Variants in ASAP1 observed in about 807,000 individuals in gnomAD.
ASAP1 encodes the protein arf-GAP with SH3 domain, ANK repeat and PH domain-containing protein 1.
In ASAP1, 43 loss-of-function variants were observed where a neutral mutation model predicts 145.2. That is an observed-to-expected ratio of 0.30 (90% CI 0.23 to 0.38). The LOEUF is 0.38. Among genes scored for constraint, ASAP1 ranks in the 10% least tolerant of loss-of-function variants. The pLI is 1.00. For missense variants in ASAP1, 1,018 were observed against 1,355.3 expected, an observed-to-expected ratio of 0.75 and a Z score of 3.91; for synonymous variants, 546 against 515.5, an observed-to-expected ratio of 1.06 and a Z score of -0.80.
In ASAP1 at chr8:130,431,598, GTCT is replaced by G. The variant is rs564209900; in HGVS notation, c.-28+11859_-28+11861del. The stretch of plus-strand genomic sequence containing the variant: ...GCTCAAGGATTACACCTTGTAACAA[GTCT>G]TCTCTGACCCTCCCTGCAAGGTGGA... On this transcript the variant is annotated intron_variant, in intron 1 of 29. Transcript: ENST00000518721. 3.9e-5 allele frequency among the ~76,000 whole-genome samples: 6 copies of G among 152,184 alleles called. 1 individual carries two copies. The South Asian group carries it at 1.2e-3, about 32-fold the overall frequency.
At position 130,310,685 on chromosome 8, in the gene ASAP1, TAA is replaced by T. The variant is rs879381179; in HGVS notation, c.186+47330_186+47331del. Among the ~76,000 whole-genome samples the T allele has an allele frequency of 5.9e-3, 832 of 142,066 alleles. 12 individuals carry two copies. Among genetic ancestry groups the T allele is most frequent in the African/African-American group, 0.021 (803 of 38,768 alleles). The allele number at this position is 142,066 out of a possible 152,430, so 93.2% of individuals were successfully genotyped here. Reference sequence around the variant, plus strand: ...ATCACCAAATCACATATTCTCTAGTTAAAAAAAAAAAAAGTCTGAAAACTTTA... The same window carrying T: ...ATCACCAAATCACATATTCTCTAGTTAAAAAAAAAAAGTCTGAAAACTTTA... On this transcript the variant is annotated intron_variant, in intron 3 of 29. Coordinates refer to ENST00000518721, the MANE Select transcript of ASAP1 (RefSeq NM_018482.4).
intron 26 of ASAP1, among the ~76,000 whole-genome samples, chr8:130,077,855 G>A (rs1592749128): frequency 6.6e-6 from 1 of 152,226 alleles, no homozygotes. Context: ...CTGAGATAAA[G>A]CCACCACTAA....
intron 3 of ASAP1, among the ~76,000 whole-genome samples, chr8:130,326,013 T>A (rs1028221652): frequency 6.6e-6 from 1 of 152,182 alleles, no homozygotes; most frequent in African/African-American, 2.4e-5. Flanking sequence ...TGGAGAAAAT[T>A]TAAGTAAACT....
At chr8:130,364,211 T>G (rs1826846031) in intron 2 of ASAP1, among the ~76,000 whole-genome samples, 1 of 152,180 alleles carries the variant, frequency 6.6e-6, no homozygotes, top group African/African-American at 2.4e-5. Flanking sequence ...GTTCCTCTGA[T>G]GGAAGTAGGA....
chr8:130,396,805 G>C (rs1272124628), intron 2 of ASAP1, among the ~76,000 whole-genome samples: 3 of 152,168 alleles, frequency 2.0e-5, no homozygotes, highest in East Asian at 3.9e-4. Context: ...CAGGGCGTCT[G>C]CTTGACATTT....
chr8:130,162,282 T>C lies in ASAP1; in HGVS notation c.910-2318A>G, dbSNP rs544773610. ...CAATACCTCCAGCAACAGTCCCTAGTAACAACAGTAGTAACAGGTTTTTGT... is the reference window on the plus strand; with the variant it reads ...CAATACCTCCAGCAACAGTCCCTAGCAACAACAGTAGTAACAGGTTTTTGT... On this transcript the variant is annotated intron_variant, in intron 11 of 29. Transcript: ENST00000518721. Among the ~76,000 whole-genome samples, 5 of 150,400 alleles carry C rather than the reference T, an allele frequency of 3.3e-5. No individual in the cohort carries two copies. In the South Asian group the frequency reaches 1.1e-3, roughly 32 times the overall value.
At chr8:130,076,454 C>T in intron 26 of ASAP1, 48 bp from the exon 27 acceptor site, 6 of 1,238,792 alleles carry the variant, frequency 4.8e-6, no homozygotes, top group Non-Finnish European at 7.0e-6. Context: ...GCTAGAATAT[C>T]AATAGCAAAA....
At chr8:130,200,521 A>G (rs1815799813) in intron 5 of ASAP1, among the ~76,000 whole-genome samples, 1 of 152,206 alleles carries the variant, frequency 6.6e-6, no homozygotes, top group Non-Finnish European at 1.5e-5. Context: ...ACCACAGTAT[A>G]AAATAGCACT....
chr8:130,194,151 A>C (rs1040818384), intron 5 of ASAP1, among the ~76,000 whole-genome samples: 1 of 152,262 alleles, frequency 6.6e-6, no homozygotes, highest in African/African-American at 2.4e-5. Context: ...GAATGTTCCC[A>C]GTGACTAGTC....
intron 24 of ASAP1, among the ~76,000 whole-genome samples, chr8:130,109,406 A>G (rs1445574102): frequency 6.6e-6 from 1 of 152,094 alleles, no homozygotes; most frequent in Non-Finnish European, 1.5e-5. Context: ...ATTCTCAGCT[A>G]GATTCAGAAT....
At position 130,092,061 on chromosome 8, in the gene ASAP1, A is replaced by T. The variant is rs1263764600; in HGVS notation, c.2484T>A (p.Pro828=). ...GSSTLSKKRP[P]PPPPGHKRTL... ...TTCTCTTGTGTCCGGGTGGTGGGGGAGGAGGCCTCTTCTTGGATAGGGTGG... is the reference window on the plus strand; with the variant it reads ...TTCTCTTGTGTCCGGGTGGTGGGGGTGGAGGCCTCTTCTTGGATAGGGTGG... The change falls in exon 25 of 30, where the codon CCT becomes CCA. Residue 828 remains proline (P), a synonymous_variant. Coordinates refer to ENST00000518721, the MANE Select transcript of ASAP1 (RefSeq NM_018482.4). 1 of 1,570,096 alleles carries T rather than the reference A, an allele frequency of 6.4e-7. No individual in the cohort carries two copies. Among genetic ancestry groups the T allele is most frequent in the Non-Finnish European group, 8.6e-7 (1 of 1,163,178 alleles).
At chr8:130,348,497 C>T (rs1825821080) in intron 3 of ASAP1, among the ~76,000 whole-genome samples, 1 of 152,188 alleles carries the variant, frequency 6.6e-6, no homozygotes, top group Admixed American at 6.5e-5. Flanking sequence ...TGACCACAAA[C>T]AGCACCATGA....
chr8:130,111,029 C>T (rs1399196405), intron 24 of ASAP1, among the ~76,000 whole-genome samples: 1 of 151,884 alleles, frequency 6.6e-6, no homozygotes, highest in Admixed American at 6.6e-5. Flanking sequence ...GCCTGAGGCG[C>T]CAGCCCTGTG....
At chr8:130,078,485 T>C (rs1026905651) in intron 26 of ASAP1, among the ~76,000 whole-genome samples, 1 of 149,466 alleles carries the variant, frequency 6.7e-6, no homozygotes. Context: ...AAGGTCTTGC[T>C]ATGTTGCCCA....
chr8:130,187,160 AG>A (rs1814788845), intron 7 of ASAP1, 75 bp downstream of exon 7: 1 of 1,217,226 alleles, frequency 8.2e-7, no homozygotes, highest in Non-Finnish European at 1.2e-6. Context: ...TTTCCAGTTA[AG>A]TTTTTTTTTT....
intron 3 of ASAP1, among the ~76,000 whole-genome samples, chr8:130,316,863 T>C (rs1048934122): frequency 5.3e-5 from 8 of 152,250 alleles, no homozygotes; most frequent in African/African-American, 1.7e-4. Context: ...TCAATGTAAA[T>C]AATTAATACT....
chr8:130,162,812 C>T lies in ASAP1; in HGVS notation c.910-2848G>A, dbSNP rs542067595. 1.3e-3 allele frequency among the ~76,000 whole-genome samples: 170 copies of T among 128,190 alleles called. 2 individuals are homozygous for T. In the South Asian group the frequency reaches 0.047, roughly 36 times the overall value. 84.1% of individuals were successfully genotyped at this position (128,190 alleles called of 152,430 possible). ...CAGCCTGGGCGACAGAGGGAGACTCCGTCTCAAAAAAAAAAAAAAACAAAC... is the reference window on the plus strand; with the variant it reads ...CAGCCTGGGCGACAGAGGGAGACTCTGTCTCAAAAAAAAAAAAAAACAAAC... On this transcript the variant is annotated intron_variant, in intron 11 of 29. Coordinates refer to ENST00000518721, the MANE Select transcript of ASAP1 (RefSeq NM_018482.4).
At chr8:130,413,845 A>T (rs1008763168) in intron 1 of ASAP1, among the ~76,000 whole-genome samples, 1 of 152,232 alleles carries the variant, frequency 6.6e-6, no homozygotes, top group Admixed American at 6.5e-5. Context: ...ATGTTGTTAA[A>T]ATATGAAATA....
rs187938303 is a variant in ASAP1 at position 130,206,895 on chromosome 8, C to T, written c.405+7661G>A. ...CTCTGCTGACTCCTTAACTTCTTTGCTAGGATCACAGGAATGATGCCTGAT... is the reference window on the plus strand; with the variant it reads ...CTCTGCTGACTCCTTAACTTCTTTGTTAGGATCACAGGAATGATGCCTGAT... On this transcript the variant is annotated intron_variant, in intron 5 of 29. Transcript: ENST00000518721. Among the ~76,000 whole-genome samples, 8 of 152,140 alleles carry T rather than the reference C, an allele frequency of 5.3e-5. No homozygotes were observed. In the East Asian group the frequency reaches 1.5e-3, roughly 29 times the overall value.
Sources: gnomAD v4.1 joint callset for allele counts (sites outside exome capture counted in the v4.1 genomes callset) on GRCh38, gnomAD v4.1.1 for gene constraint, MANE v1.5 for transcripts, NCBI Gene and HGNC (gene_info 2026-07-23, HGNC 2026-07-21) for gene names.